Variants in MED27 observed in about 807,000 individuals in gnomAD.
MED27 encodes mediator of RNA polymerase II transcription subunit 27.
In MED27, 30 loss-of-function variants were observed where a neutral mutation model predicts 38.2. The ratio of observed to expected loss-of-function variants is 0.79; its 90% CI spans 0.59 to 1.07. The LOEUF (loss-of-function observed/expected upper bound fraction) is 1.07. Among genes scored for constraint, MED27 ranks in the 50% least tolerant of loss-of-function variants. The probability of loss-of-function intolerance (pLI) is 0.00; values close to 1 mark genes in which losing one functional copy is unlikely to be tolerated. For synonymous variants in MED27, 122 were observed against 153.5 expected, an observed-to-expected ratio of 0.79 and a Z score of 1.52; for missense variants, 289 against 397.5, an observed-to-expected ratio of 0.73 and a Z score of 2.32.
At chr9:132,077,306 A>T in intron 2 of MED27, 136 bp downstream of exon 2, 2 of 869,410 alleles carry the variant, frequency 2.3e-6, no homozygotes, top group East Asian at 2.6e-5. Flanking sequence ...AAAATTCTAC[A>T]ACTTCCAACT....
Position 132,077,452 on chromosome 9 carries a change from C to T in MED27, c.338G>A (p.Trp113Ter), listed in dbSNP as rs970387240. ...TTACATCTCCCTTACCTTGTTTGAC[C>T]ACTTATATGCTTGAAGGAGTTGACT... Reference protein sequence around the residue: ...LYSQLLQAYKWSNKLQYHAGL... With the variant: ...LYSQLLQAYK Residue 113 changes from tryptophan to a stop codon, truncating the protein, a stop_gained, in exon 2 of 8, where the codon TGG (tryptophan) becomes TAG (stop). Transcript: ENST00000292035. LOFTEE classifies it high-confidence loss of function. 3 of 1,613,454 alleles carry T rather than the reference C, an allele frequency of 1.9e-6. No individual in the cohort carries two copies. The African/African-American group carries it at 4.0e-5, about 22-fold the overall frequency.
chr9:131,870,487 G>C (rs554692613), intron 6 of MED27, among the ~76,000 whole-genome samples: 78 of 152,288 alleles, frequency 5.1e-4, no homozygotes, highest in African/African-American at 1.8e-3. Context: ...GGACTTCTAA[G>C]TCAGGGGGCT....
At chr9:132,054,030 A>C (rs1424360764) in intron 2 of MED27, among the ~76,000 whole-genome samples, 1 of 152,186 alleles carries the variant, frequency 6.6e-6, no homozygotes, top group African/African-American at 2.4e-5. Context: ...ATATCAAGTA[A>C]TCAAAACTAA....
chr9:132,052,631 C>T lies in MED27; in HGVS notation c.348+24811G>A, dbSNP rs925009682. ...CCATCACCTGAATAGTATACATCGT[C>T]GCTGTTAGGCAATTTCTCATCCTTC... is the stretch of plus-strand genomic sequence containing the variant. On this transcript the variant is annotated intron_variant, in intron 2 of 7. Coordinates refer to ENST00000292035, the MANE Select transcript of MED27 (RefSeq NM_004269.4). Among the ~76,000 whole-genome samples, 8 of 152,058 alleles carry T rather than the reference C, an allele frequency of 5.3e-5. No individual in the cohort carries two copies. In the South Asian group the frequency reaches 8.3e-4, roughly 16 times the overall value.
chr9:131,864,414 T>C (rs1838702015), intron 6 of MED27, among the ~76,000 whole-genome samples: 1 of 152,144 alleles, frequency 6.6e-6, no homozygotes, highest in Non-Finnish European at 1.5e-5. Context: ...GCCTGGGAAG[T>C]TGAGGCTACA....
Position 132,038,796 on chromosome 9 carries a change from GGA to G in MED27, c.349-24331_349-24330del, listed in dbSNP as rs149124643. Among the ~76,000 whole-genome samples, 485 of 152,238 alleles carry G rather than the reference GGA, an allele frequency of 3.2e-3. 3 individuals are homozygous for G. The highest frequency in any genetic ancestry group is 0.011 in the African/African-American group (472 of 41,536). On this transcript the variant is annotated intron_variant, in intron 2 of 7. Coordinates refer to ENST00000292035, the MANE Select transcript of MED27 (RefSeq NM_004269.4). ...TGCCTGGAATGGCTTTGAATCAGCAGGAGACAGGGAAGAAGGAAGGAGCTGAG... is the reference window on the plus strand; with the variant it reads ...TGCCTGGAATGGCTTTGAATCAGCAGGACAGGGAAGAAGGAAGGAGCTGAG...
intron 5 of MED27, among the ~76,000 whole-genome samples, chr9:131,887,786 T>C (rs956885545): frequency 2.0e-5 from 3 of 152,234 alleles, no homozygotes; most frequent in Non-Finnish European, 2.9e-5. Context: ...TTCAGTATTC[T>C]GAGCAAGCAT....
At chr9:131,967,154 T>C (rs1392697087) in intron 3 of MED27, among the ~76,000 whole-genome samples, 3 of 152,388 alleles carry the variant, frequency 2.0e-5, no homozygotes, top group South Asian at 4.1e-4. Context: ...TTCTTTACTC[T>C]GTACAAAAAT....
rs971665199 is a variant in MED27 at position 131,862,334 on chromosome 9, G to A, written c.801+729C>T. ...GGTGGATGATGGGGTCTGCTGGCGT[G>A]AGAGCATGCGGCCGTGTGAGCATGC... On this transcript the variant is annotated intron_variant, in intron 7 of 7. Coordinates refer to ENST00000292035, the MANE Select transcript of MED27 (RefSeq NM_004269.4). This position sits in a 1 kb window ranked among gnomAD's most constrained non-coding sequence, Gnocchi z 4.6. Among the ~76,000 whole-genome samples, 1 of 152,164 alleles carries A rather than the reference G, an allele frequency of 6.6e-6. No individual in the cohort carries two copies. Among genetic ancestry groups the A allele is most frequent in the African/African-American group, 2.4e-5 (1 of 41,418 alleles).
intron 6 of MED27, among the ~76,000 whole-genome samples, chr9:131,863,504 A>G (rs1383434005): frequency 6.6e-6 from 1 of 152,210 alleles, no homozygotes; most frequent in Non-Finnish European, 1.5e-5. Context: ...CACACAGCAC[A>G]TACGACAAGG....
At chr9:132,006,629 T>G (rs957515503) in intron 3 of MED27, among the ~76,000 whole-genome samples, 2 of 151,998 alleles carry the variant, frequency 1.3e-5, no homozygotes, top group Non-Finnish European at 2.9e-5. Context: ...ACCTGGAGTT[T>G]TATACCTGTA....
At chr9:131,920,916 C>CT (rs1830379257) in intron 4 of MED27, among the ~76,000 whole-genome samples, 1 of 152,066 alleles carries the variant, frequency 6.6e-6, no homozygotes, top group Non-Finnish European at 1.5e-5. Flanking sequence ...ATAAAAGGCT[C>CT]TGGCTTCACG....
chr9:131,884,439 G>C (rs1839102373), intron 5 of MED27, among the ~76,000 whole-genome samples: 1 of 152,078 alleles, frequency 6.6e-6, no homozygotes, highest in Non-Finnish European at 1.5e-5. Flanking sequence ...TGCTGCCTCA[G>C]GCCCTTTGCA....
chr9:131,974,452 A>G (rs1831559804), intron 3 of MED27, among the ~76,000 whole-genome samples: 1 of 152,212 alleles, frequency 6.6e-6, no homozygotes, highest in African/African-American at 2.4e-5. Context: ...TGAACTTTTA[A>G]TGATCCCAGG....
chr9:131,981,321 C>T (rs775921071), intron 3 of MED27, among the ~76,000 whole-genome samples: 39 of 152,144 alleles, frequency 2.6e-4, no homozygotes, highest in Non-Finnish European at 4.1e-4. Flanking sequence ...TGGCTAAAGA[C>T]GTTTTCCTTC....
intron 4 of MED27, among the ~76,000 whole-genome samples, chr9:131,896,824 C>T (rs1299986041): frequency 4.6e-5 from 7 of 152,314 alleles, no homozygotes; most frequent in Admixed American, 2.0e-4. Flanking sequence ...CTCCGCCTCC[C>T]GGGTTCAAGC....
chr9:131,909,992 C>A (rs1482476068), intron 4 of MED27, among the ~76,000 whole-genome samples: 1 of 152,040 alleles, frequency 6.6e-6, no homozygotes, highest in Non-Finnish European at 1.5e-5. Context: ...CCCAGGAATC[C>A]CTAGAGAAAT....
At chr9:131,888,816 T>C (rs1226758854) in intron 5 of MED27, among the ~76,000 whole-genome samples, 1 of 152,180 alleles carries the variant, frequency 6.6e-6, no homozygotes, top group Non-Finnish European at 1.5e-5. Context: ...TCAAATCTGC[T>C]GACCCTCCCC....
chr9:132,023,821 G>A (rs1488532582), intron 2 of MED27, among the ~76,000 whole-genome samples: 1 of 152,232 alleles, frequency 6.6e-6, no homozygotes, highest in African/African-American at 2.4e-5. Flanking sequence ...AAGTATAGGA[G>A]TGGAAGTGAG....
Sources: gnomAD v4.1 joint callset for allele counts (sites outside exome capture counted in the v4.1 genomes callset) on GRCh38, gnomAD v4.1.1 for gene constraint, Gnocchi (gnomAD v3.1) non-coding constraint, MANE v1.5 for transcripts, NCBI Gene and HGNC (gene_info 2026-07-23, HGNC 2026-07-21) for gene names.